The following ATXN10 variants were observed in gnomAD, a reference collection of about 807,000 sequenced individuals.
The protein encoded by ATXN10 is ataxin-10.
ATXN10 carries 28 observed loss-of-function variants against 52.9 expected under a neutral mutation model. The observed-to-expected ratio is 0.53, with a 90% CI of 0.39 to 0.73. The LOEUF is 0.73. Among genes scored for constraint, ATXN10 ranks in the 30% least tolerant of loss-of-function variants. The pLI, the probability that ATXN10 is intolerant of heterozygous loss-of-function variation, is 0.00. For synonymous variants in ATXN10, 226 were observed against 221.5 expected (o/e 1.02, Z -0.18); for missense variants, 565 against 577.0 (o/e 0.98, Z 0.21).
chr22:45,793,944 GTGCCCAGA>G (rs1435736189), intron 9 of ATXN10, among the ~76,000 whole-genome samples: 3 of 152,246 alleles, frequency 2.0e-5, no homozygotes, highest in Non-Finnish European at 4.4e-5. Flanking sequence ...TATAGGCAGT[GTGCCCAGA>G]ATAGCAGCTC....
rs1927330590 is a variant in ATXN10, at chr22:45,786,564, T to C, written c.1174-20395T>C. 6.6e-6 allele frequency among the ~76,000 whole-genome samples: 1 copy of C among 152,220 alleles called. No homozygotes were observed. The highest frequency in any genetic ancestry group is 2.4e-5 in the African/African-American group (1 of 41,456). ...GGTCGGAAGGATTGTTGGTTCTTCC[T>C]TACTTAGGTCTCGTACCCACTCCAA... On this transcript the variant is annotated intron_variant, in intron 9 of 11. Coordinates refer to ENST00000252934, the MANE Select transcript of ATXN10 (RefSeq NM_013236.4). The surrounding 1 kb of genome is among the most constrained non-coding windows in gnomAD (Gnocchi z 4.1).
Position 45,784,632 on chromosome 22 carries a change from T to A in ATXN10, c.1174-22327T>A, listed in dbSNP as rs887242268. On this transcript the variant is annotated intron_variant, in intron 9 of 11. Transcript: ENST00000252934. This position sits in a 1 kb window ranked among gnomAD's most constrained non-coding sequence, Gnocchi z 4.2. ...GGCTGGCTTCCTGTGGGCTCGCCTGTCGACCCCCTCCCTGTGCCCAGAGGA... is the reference window on the plus strand; with the variant it reads ...GGCTGGCTTCCTGTGGGCTCGCCTGACGACCCCCTCCCTGTGCCCAGAGGA... Among the ~76,000 whole-genome samples, 5 of 152,114 alleles carry A rather than the reference T, an allele frequency of 3.3e-5. No homozygotes were observed. Among genetic ancestry groups the A allele is most frequent in the African/African-American group, 1.2e-4 (5 of 41,426 alleles).
chr22:45,702,338 A>G (rs1283766039), intron 4 of ATXN10, among the ~76,000 whole-genome samples: 2 of 152,216 alleles, frequency 1.3e-5, no homozygotes, highest in African/African-American at 4.8e-5. Flanking sequence ...CAGTGCCAGC[A>G]GTCATTGAGG....
Position 45,718,243 on chromosome 22 carries a change from C to T in ATXN10, c.648-170C>T, listed in dbSNP as rs1924518324. Among the ~76,000 whole-genome samples, 1 of 151,906 alleles carries T rather than the reference C, an allele frequency of 6.6e-6. No individual in the cohort carries two copies. Among genetic ancestry groups the T allele is most frequent in the Non-Finnish European group, 1.5e-5 (1 of 67,990 alleles). On this transcript the variant is annotated intron_variant, in intron 5 of 11. Coordinates refer to ENST00000252934, the MANE Select transcript of ATXN10 (RefSeq NM_013236.4). This position sits in a 1 kb window ranked among gnomAD's most constrained non-coding sequence, Gnocchi z 4.4. Reference sequence around the variant, plus strand: ...TTAGGATTTTTTTTCCTTTTAGCTGCTGATAGATTAATAGTATGTGAACCT... The same window carrying T: ...TTAGGATTTTTTTTCCTTTTAGCTGTTGATAGATTAATAGTATGTGAACCT...
rs1928790121 is a variant in ATXN10 at position 45,825,657 on chromosome 22, G to A, written c.1238-17334G>A. ...GGCATACATAAGAAACAGGAAAGTA[G>A]GCCCATTCAAGGGGGAAAAAATGAA... is the stretch of plus-strand genomic sequence containing the variant. On this transcript the variant is annotated intron_variant, in intron 10 of 11. Transcript: ENST00000252934. The surrounding 1 kb of genome is among the most constrained non-coding windows in gnomAD (Gnocchi z 4.5). Among the ~76,000 whole-genome samples, 1 of 152,144 alleles carries A rather than the reference G, an allele frequency of 6.6e-6. No homozygotes were observed. Among genetic ancestry groups the A allele is most frequent in the Non-Finnish European group, 1.5e-5 (1 of 68,020 alleles).
rs1355433234 is a variant in ATXN10 at position 45,828,196 on chromosome 22, TTAAAA to T, written c.1238-14794_1238-14790del. Among the ~76,000 whole-genome samples, 5 of 141,164 alleles carry T rather than the reference TTAAAA, an allele frequency of 3.5e-5. No individual in the cohort carries two copies. Among genetic ancestry groups the T allele is most frequent in the Non-Finnish European group, 7.7e-5 (5 of 64,644 alleles). The allele number at this position is 141,164 out of a possible 152,430, so 92.6% of individuals were successfully genotyped here. ...TGAAGCCCCATCTCTATTAAAAACT[TTAAAA>T]AAGAAAAAAAAAAGAAGAAAAAAAT... On this transcript the variant is annotated intron_variant, in intron 10 of 11. Transcript: ENST00000252934. This position sits in a 1 kb window ranked among gnomAD's most constrained non-coding sequence, Gnocchi z 4.5.
chr22:45,814,995 G>T (rs1471032152), intron 10 of ATXN10, among the ~76,000 whole-genome samples: 1 of 152,118 alleles, frequency 6.6e-6, no homozygotes, highest in African/African-American at 2.4e-5. Flanking sequence ...CAAGTCCCTG[G>T]TGCCAAAAAG....
At position 45,783,126 on chromosome 22, in the gene ATXN10, G is replaced by A. The variant is rs1389966867; in HGVS notation, c.1174-23833G>A. ...GCTTCTCTTTGGCATATTCAAATTG[G>A]CAGCATCACTACTCTTGTACTTTGA... is the stretch of plus-strand genomic sequence containing the variant. On this transcript the variant is annotated intron_variant, in intron 9 of 11. Transcript: ENST00000252934. This position sits in a 1 kb window ranked among gnomAD's most constrained non-coding sequence, Gnocchi z 5.0. Among the ~76,000 whole-genome samples, 4 of 152,066 alleles carry A rather than the reference G, an allele frequency of 2.6e-5. No individual in the cohort carries two copies. The highest frequency in any genetic ancestry group is 3.9e-4 in the East Asian group (2 of 5,192).
rs1292870171 is a variant in ATXN10, at chr22:45,774,274, C to T, written c.1174-32685C>T. Among the ~76,000 whole-genome samples the T allele has an allele frequency of 6.6e-6, 1 of 152,234 alleles. No homozygotes were observed. Among genetic ancestry groups the T allele is most frequent in the Non-Finnish European group, 1.5e-5 (1 of 68,052 alleles). ...CTCTGTGACTGTTGACCATGGCCAT[C>T]TGTCCAGTAGAGTGAGAGCAGGAGC... On this transcript the variant is annotated intron_variant, in intron 9 of 11. Coordinates refer to ENST00000252934, the MANE Select transcript of ATXN10 (RefSeq NM_013236.4). The surrounding 1 kb of genome is among the most constrained non-coding windows in gnomAD (Gnocchi z 6.2).
At chr22:45,737,129 GTAAAACCGCT>G (rs1925327853) in intron 7 of ATXN10, among the ~76,000 whole-genome samples, 1 of 152,054 alleles carries the variant, frequency 6.6e-6, no homozygotes. Flanking sequence ...AGCCATAGCT[GTAAAACCGCT>G]TGATTTGTTT....
chr22:45,844,518 A>G lies in ATXN10; in HGVS notation c.*847A>G, dbSNP rs1459502494. The G allele has an allele frequency of 2.0e-5, 3 of 152,216 alleles. No homozygotes were observed. The highest frequency in any genetic ancestry group is 4.4e-5 in the Non-Finnish European group (3 of 68,036). 9.4% of individuals were successfully genotyped at this position (152,216 alleles called of 1,614,324 possible). On this transcript the variant is annotated 3_prime_UTR_variant, in exon 12 of 12. Coordinates refer to ENST00000252934, the MANE Select transcript of ATXN10 (RefSeq NM_013236.4). ...GCCACTCAGTTTTAGCCATGTCTTC[A>G]CTGAAATTGCAAAAGTACTTTTAGG...
rs1465682282 is a variant in ATXN10, at chr22:45,843,115, T to G, written c.1362T>G (p.Gly454=). Residue 454 remains glycine (G), a synonymous_variant, in exon 11 of 12, where the codon GGT becomes GGG. Coordinates refer to ENST00000252934, the MANE Select transcript of ATXN10 (RefSeq NM_013236.4). The surrounding 1 kb of genome is among the most constrained non-coding windows in gnomAD (Gnocchi z 4.5). The stretch of plus-strand genomic sequence containing the variant: ...ATGCATCCCTACTTAAAAAAGTGGG[T>G]TTTGAAGTTGAAAAGAAAGGCGAAA... ...LADASLLKKV[G]FEVEKKGEKL... is the part of the protein sequence containing the mutation. The G allele has an allele frequency of 6.2e-7, 1 of 1,613,940 alleles. No homozygotes were observed. The highest frequency in any genetic ancestry group is 1.1e-5 in the South Asian group (1 of 91,068).
rs1408943281 is a variant in ATXN10, at chr22:45,759,407, G to T, written c.1173+18869G>T. Among the ~76,000 whole-genome samples the T allele has an allele frequency of 6.6e-6, 1 of 152,326 alleles. No homozygotes were observed. The highest frequency in any genetic ancestry group is 1.9e-4 in the East Asian group (1 of 5,180). On this transcript the variant is annotated intron_variant, in intron 9 of 11. Coordinates refer to ENST00000252934, the MANE Select transcript of ATXN10 (RefSeq NM_013236.4). The surrounding 1 kb of genome is among the most constrained non-coding windows in gnomAD (Gnocchi z 5.4). Reference sequence around the variant, plus strand: ...CATGCCTGTAATCCCAGCTACTCGGGAGGCTGAGGCGGGAGAATCACCTGA... The same window carrying T: ...CATGCCTGTAATCCCAGCTACTCGGTAGGCTGAGGCGGGAGAATCACCTGA...
intron 9 of ATXN10, among the ~76,000 whole-genome samples, chr22:45,773,844 A>ATGTT (rs138607806): frequency 0.093 from 14,151 of 152,144 alleles, 825 homozygotes; most frequent in Middle Eastern, 0.16. Flanking sequence ...AAATGAACTG[A>ATGTT]TGTTTGTTTG....
At chr22:45,695,578 C>T (rs1255799854) in intron 3 of ATXN10, among the ~76,000 whole-genome samples, 1 of 151,668 alleles carries the variant, frequency 6.6e-6, no homozygotes, top group Non-Finnish European at 1.5e-5. Flanking sequence ...CAACCACCGC[C>T]TTCCCGCCGG....
At position 45,780,956 on chromosome 22, in the gene ATXN10, G is replaced by A. The variant is rs1927128796; in HGVS notation, c.1174-26003G>A. Among the ~76,000 whole-genome samples the A allele has an allele frequency of 6.6e-6, 1 of 152,302 alleles. No homozygotes were observed. The highest frequency in any genetic ancestry group is 2.1e-4 in the South Asian group (1 of 4,826). Reference sequence around the variant, plus strand: ...AGACTCAGAAACGATAAGGTGGCAAGTTCCCTGGGTTTTCTCAGACTGATT... The same window carrying A: ...AGACTCAGAAACGATAAGGTGGCAAATTCCCTGGGTTTTCTCAGACTGATT... On this transcript the variant is annotated intron_variant, in intron 9 of 11. Coordinates refer to ENST00000252934, the MANE Select transcript of ATXN10 (RefSeq NM_013236.4). The surrounding 1 kb of genome is among the most constrained non-coding windows in gnomAD (Gnocchi z 4.0).
intron 9 of ATXN10, among the ~76,000 whole-genome samples, chr22:45,801,523 T>A (rs954714811): frequency 6.6e-6 from 1 of 152,218 alleles, no homozygotes; most frequent in African/African-American, 2.4e-5. Flanking sequence ...TCAATGGTAC[T>A]ATATTTTTGT....
At position 45,843,591 on chromosome 22, in the gene ATXN10, G is replaced by GT. The variant is rs1929418071; in HGVS notation, c.1426-72dup. 3.4e-6 allele frequency: 5 copies of GT among 1,450,020 alleles called. No individual in the cohort carries two copies. Among genetic ancestry groups the GT allele is most frequent in the East Asian group, 4.6e-5 (2 of 43,826 alleles). 89.8% of individuals were successfully genotyped at this position (1,450,020 alleles called of 1,614,324 possible). A position where few individuals can be genotyped will look rare whatever the true frequency, so the allele number is the denominator to read the frequency against. ...TTGTCACCACTGACCAAAGTTCTGGGTTTTTTCCCCTTTTGTCTGATGAAT... is the reference window on the plus strand; with the variant it reads ...TTGTCACCACTGACCAAAGTTCTGGGTTTTTTTCCCCTTTTGTCTGATGAAT... On this transcript the variant is annotated intron_variant, in intron 11 of 11. Coordinates refer to ENST00000252934, the MANE Select transcript of ATXN10 (RefSeq NM_013236.4). This position sits in a 1 kb window ranked among gnomAD's most constrained non-coding sequence, Gnocchi z 4.5.
intron 9 of ATXN10, chr22:45,793,483 C>T: frequency 1.0e-6 from 1 of 974,908 alleles, no homozygotes; most frequent in Non-Finnish European, 1.3e-6. Context: ...TTTAATAAAT[C>T]TCTCACTGCT....
Sources: allele counts gnomAD v4.1 joint callset (sites outside exome capture counted in the v4.1 genomes callset), GRCh38; gene constraint gnomAD v4.1.1; non-coding constraint Gnocchi (gnomAD v3.1); transcripts MANE v1.5; gene names NCBI Gene and HGNC (gene_info 2026-07-23, HGNC 2026-07-21).